ZFP91: variants seen among roughly 807,000 people sequenced by gnomAD.
ZFP91 encodes the protein E3 ubiquitin-protein ligase ZFP91.
Under a neutral mutation model 63.5 loss-of-function variants are expected in ZFP91, and 7 were observed. That is an observed-to-expected ratio of 0.11 (90% confidence interval 0.06 to 0.21). The LOEUF (loss-of-function observed/expected upper bound fraction) is 0.21. Among genes scored for constraint, ZFP91 ranks in the 10% least tolerant of loss-of-function variants. The probability of loss-of-function intolerance (pLI) is 1.00; values close to 1 mark genes in which losing one functional copy is unlikely to be tolerated. For missense variants in ZFP91, 628 were observed against 736.6 expected (o/e 0.85, Z 1.71); for synonymous variants, 330 against 272.1 (o/e 1.21, Z -2.10).
intron 2 of ZFP91, among the ~76,000 whole-genome samples, chr11:58,594,892 T>A (rs963156188): frequency 2.1e-4 from 32 of 152,330 alleles, no homozygotes; most frequent in African/African-American, 7.2e-4. Context: ...AGCATGTGGC[T>A]TTAGGTTAAA....
chr11:58,594,140 G>T (rs548135107), intron 2 of ZFP91, among the ~76,000 whole-genome samples: 9 of 152,250 alleles, frequency 5.9e-5, no homozygotes, highest in Admixed American at 5.2e-4. Flanking sequence ...TGGCTATTAG[G>T]ATAAGATTCA....
intron 2 of ZFP91, among the ~76,000 whole-genome samples, chr11:58,589,182 C>T (rs957068308): frequency 6.6e-6 from 1 of 151,160 alleles, no homozygotes; most frequent in Non-Finnish European, 1.5e-5. Flanking sequence ...AGCCATCCTC[C>T]TGCCTCAGCT....
At chr11:58,611,321 A>G in intron 5 of ZFP91, 2 of 485,538 alleles carry the variant, frequency 4.1e-6, no homozygotes, top group Non-Finnish European at 3.6e-6. Flanking sequence ...AATTGCCTGA[A>G]TACTTAGAAT....
intron 9 of ZFP91, among the ~76,000 whole-genome samples, chr11:58,614,948 C>CTG (rs1855726505): frequency 1.3e-5 from 2 of 152,192 alleles, no homozygotes; most frequent in Non-Finnish European, 2.9e-5. Flanking sequence ...GTGCATACCA[C>CTG]TGAGTATGTC....
intron 2 of ZFP91, among the ~76,000 whole-genome samples, chr11:58,602,139 T>A (rs1855500674): frequency 6.6e-6 from 1 of 152,182 alleles, no homozygotes; most frequent in Non-Finnish European, 1.5e-5. Context: ...GCCAGGCTGA[T>A]CTCAAACTCC....
chr11:58,590,690 T>A (rs1855289299), intron 2 of ZFP91, among the ~76,000 whole-genome samples: 1 of 152,204 alleles, frequency 6.6e-6, no homozygotes, highest in Admixed American at 6.5e-5. Flanking sequence ...AGTGTATAGG[T>A]CTTTCAAATT....
In ZFP91 at chr11:58,579,394, C is replaced by A; in HGVS notation, c.113C>A (p.Ala38Glu). The A allele has an allele frequency of 6.8e-7, 1 of 1,472,332 alleles. No homozygotes were observed. The highest frequency in any genetic ancestry group is 1.3e-5 in the South Asian group (1 of 76,456). 91.2% of individuals were successfully genotyped at this position (1,472,332 alleles called of 1,614,324 possible). ...EPQQRPPEAVAAAPAGTTSSR... is the reference protein window; with the variant it reads ...EPQQRPPEAVEAAPAGTTSSR... ...CAACAACGGCCCCCTGAGGCGGTCG[C>A]GGCGGCGCCTGCAGGGACCACTAGC... Residue 38 changes from alanine to glutamate, a missense_variant, in exon 1 of 11, where the codon GCG becomes GAG. This residue lies in a region of ZFP91 where 437 missense variants were observed against 380.3 expected (regional missense o/e 1.15). Transcript: ENST00000316059.
At chr11:58,611,094 T>A (rs1445044024) in intron 5 of ZFP91, 40 bp downstream of exon 5, 1 of 1,579,028 alleles carries the variant, frequency 6.3e-7, no homozygotes, top group African/African-American at 1.3e-5. Flanking sequence ...TAATGAAATA[T>A]AAGTAGGAAA....
chr11:58,588,511 A>G (rs571034431), intron 2 of ZFP91, among the ~76,000 whole-genome samples: 3 of 152,188 alleles, frequency 2.0e-5, no homozygotes, highest in Admixed American at 1.3e-4. Flanking sequence ...TCTGTGCTCC[A>G]TGTTTTAAAA....
intron 2 of ZFP91, among the ~76,000 whole-genome samples, chr11:58,593,270 A>G (rs1174570872): frequency 6.6e-6 from 1 of 152,240 alleles, no homozygotes; most frequent in Admixed American, 6.5e-5. Flanking sequence ...TGTCCCCAGC[A>G]GCCACCAGAT....
intron 2 of ZFP91, among the ~76,000 whole-genome samples, chr11:58,596,966 G>A (rs1855414924): frequency 6.6e-6 from 1 of 152,118 alleles, no homozygotes; most frequent in Non-Finnish European, 1.5e-5. Context: ...CGCTGATTGG[G>A]AAGGTGAATT....
At chr11:58,579,733 C>A in intron 1 of ZFP91, 111 bp downstream of exon 1, 1 of 1,064,322 alleles carries the variant, frequency 9.4e-7, no homozygotes, top group Non-Finnish European at 1.3e-6. Flanking sequence ...CTGCCCCCTG[C>A]CGGCTCCGCA....
intron 2 of ZFP91, among the ~76,000 whole-genome samples, chr11:58,589,527 G>T (rs535165392): frequency 6.6e-6 from 1 of 152,300 alleles, no homozygotes; most frequent in East Asian, 1.9e-4. Context: ...ATTATTTATG[G>T]AAAACAAAGT....
At chr11:58,609,299 T>C (rs1855619550) in intron 2 of ZFP91, among the ~76,000 whole-genome samples, 1 of 152,252 alleles carries the variant, frequency 6.6e-6, no homozygotes. Flanking sequence ...AGCTGGACTT[T>C]ACCATTCAAT....
At chr11:58,612,626 T>C in intron 7 of ZFP91, 136 bp from the exon 8 acceptor site, 1 of 676,724 alleles carries the variant, frequency 1.5e-6, no homozygotes, top group East Asian at 2.7e-5. Flanking sequence ...CTGTGTAATC[T>C]GTATAGTAGT....
chr11:58,612,192 TG>T, intron 6 of ZFP91, 85 bp from the exon 7 acceptor site: 2 of 675,410 alleles, frequency 3.0e-6, no homozygotes, highest in East Asian at 5.1e-5. Flanking sequence ...TCTTTGGCCG[TG>T]TGTGTGTGTG....
intron 2 of ZFP91, among the ~76,000 whole-genome samples, chr11:58,600,447 T>C (rs998668542): frequency 6.6e-6 from 1 of 152,144 alleles, no homozygotes; most frequent in African/African-American, 2.4e-5. Flanking sequence ...ATTATTTTCT[T>C]AATTTCCTTT....
chr11:58,606,130 C>T (rs923237167), intron 2 of ZFP91, among the ~76,000 whole-genome samples: 1 of 152,036 alleles, frequency 6.6e-6, no homozygotes, highest in African/African-American at 2.4e-5. Context: ...GGTGTTATCT[C>T]GGCTCACTGC....
intron 2 of ZFP91, among the ~76,000 whole-genome samples, chr11:58,585,906 C>G (rs1407906647): frequency 1.3e-5 from 2 of 151,944 alleles, no homozygotes; most frequent in Admixed American, 1.3e-4. Context: ...AATTAGGTTT[C>G]AATGCTAAGG....
Sources: allele counts gnomAD v4.1 joint callset (sites outside exome capture counted in the v4.1 genomes callset), GRCh38; gene constraint gnomAD v4.1.1; regional missense constraint gnomAD v4.1.1; transcripts MANE v1.5; gene names NCBI Gene and HGNC (gene_info 2026-07-23, HGNC 2026-07-21).